The following DIPK1B variants were observed in gnomAD, a reference collection of about 807,000 sequenced individuals.
The protein encoded by DIPK1B is family with sequence similarity 69 member B.
DIPK1B carries 17 observed loss-of-function variants against 20.7 expected under a neutral mutation model. The ratio of observed to expected loss-of-function variants is 0.82; its 90% CI spans 0.56 to 1.23. The LOEUF (loss-of-function observed/expected upper bound fraction) is 1.23, where lower values mean the gene tolerates loss of function less well. DIPK1B is among the 50% of genes most tolerant of loss of function. DIPK1B has a pLI of 0.00. For synonymous variants in DIPK1B, 343 were observed against 276.5 expected (o/e 1.24, Z -2.39); for missense variants, 648 against 601.8 (o/e 1.08, Z -0.80).
chr9:136,716,867 G>A (rs574564498), intron 1 of DIPK1B, among the ~76,000 whole-genome samples: 2 of 151,886 alleles, frequency 1.3e-5, no homozygotes, highest in South Asian at 2.1e-4. Flanking sequence ...CGGTGGGCGC[G>A]CTCACCTGGC....
chr9:136,720,099 G>A (rs1846572843), intron 2 of DIPK1B, among the ~76,000 whole-genome samples: 1 of 151,876 alleles, frequency 6.6e-6, no homozygotes, highest in Non-Finnish European at 1.5e-5. Flanking sequence ...GGGCTGTGTG[G>A]TCTGGGGCTC....
Position 136,714,743 on chromosome 9 carries a change from C to T in DIPK1B, c.63+2015C>T, listed in dbSNP as rs113663465. ...CCTGGGCCTGGAGGGCTCCCCACAC[C>T]GGAGCCACGCCCTCTGCTCCAGGAC... On this transcript the variant is annotated intron_variant, in intron 1 of 4. Transcript: ENST00000371692. Among the ~76,000 whole-genome samples, 776 of 152,328 alleles carry T rather than the reference C, an allele frequency of 5.1e-3. 3 individuals carry two copies. The highest frequency in any genetic ancestry group is 8.6e-3 in the Non-Finnish European group (586 of 68,018).
chr9:136,717,026 C>T (rs1352621018), intron 1 of DIPK1B, among the ~76,000 whole-genome samples: 1 of 152,006 alleles, frequency 6.6e-6, no homozygotes, highest in Non-Finnish European at 1.5e-5. Context: ...GTCCGGAGTT[C>T]AAGACCAGCC....
rs1846448151 is a variant in DIPK1B at position 136,712,987 on chromosome 9, T to A, written c.63+259T>A. Reference sequence around the variant, plus strand: ...CTCGCCCCGACCTGCAGGCGGTCCCTGCCCCCCAGGCCCAGAAACCACACC... The same window carrying A: ...CTCGCCCCGACCTGCAGGCGGTCCCAGCCCCCCAGGCCCAGAAACCACACC... On this transcript the variant is annotated intron_variant, in intron 1 of 4. Coordinates refer to ENST00000371692, the MANE Select transcript of DIPK1B (RefSeq NM_152421.4). The surrounding 1 kb of genome is among the most constrained non-coding windows in gnomAD (Gnocchi z 5.6). Among the ~76,000 whole-genome samples, 2 of 152,178 alleles carry A rather than the reference T, an allele frequency of 1.3e-5. No individual in the cohort carries two copies. The highest frequency in any genetic ancestry group is 4.1e-4 in the South Asian group (2 of 4,830).
chr9:136,712,989 C>T lies in DIPK1B; in HGVS notation c.63+261C>T, dbSNP rs533387017. Among the ~76,000 whole-genome samples the T allele has an allele frequency of 4.6e-5, 7 of 152,280 alleles. No individual in the cohort carries two copies. Among genetic ancestry groups the T allele is most frequent in the South Asian group, 4.1e-4 (2 of 4,828 alleles). ...CGCCCCGACCTGCAGGCGGTCCCTGCCCCCCAGGCCCAGAAACCACACCGA... is the reference window on the plus strand; with the variant it reads ...CGCCCCGACCTGCAGGCGGTCCCTGTCCCCCAGGCCCAGAAACCACACCGA... On this transcript the variant is annotated intron_variant, in intron 1 of 4. Coordinates refer to ENST00000371692, the MANE Select transcript of DIPK1B (RefSeq NM_152421.4). This position sits in a 1 kb window ranked among gnomAD's most constrained non-coding sequence, Gnocchi z 5.6.
In DIPK1B at chr9:136,723,069, G is replaced by A. The variant is rs1408948847; in HGVS notation, c.591G>A (p.Val197=). The A allele has an allele frequency of 6.2e-7, 1 of 1,613,610 alleles. No homozygotes were observed. The highest frequency in any genetic ancestry group is 2.2e-5 in the East Asian group (1 of 44,880). ...NRVSLAEAKS[V]WALLQRNEFL... ...TGTCCCTGGCGGAAGCCAAGTCCGTGTGGGCCCTGCTGCAGCGTAACGAGT... is the reference window on the plus strand; with the variant it reads ...TGTCCCTGGCGGAAGCCAAGTCCGTATGGGCCCTGCTGCAGCGTAACGAGT... Residue 197 remains valine, a synonymous_variant, in exon 5 of 5, where the codon GTG becomes GTA. Transcript: ENST00000371692.
Position 136,723,526 on chromosome 9 carries a change from T to C in DIPK1B, c.1048T>C (p.Cys350Arg). The C allele has an allele frequency of 6.2e-7, 1 of 1,600,542 alleles. No individual in the cohort carries two copies. Among genetic ancestry groups the C allele is most frequent in the South Asian group, 1.1e-5 (1 of 89,570 alleles). ...CTYGRDCRAP[C>R]DRLMRQCKGD... ...CTACGGGCGCGACTGCAGGGCCCCGTGTGACAGGCTCATGAGGCAGTGCAA... is the reference window on the plus strand; with the variant it reads ...CTACGGGCGCGACTGCAGGGCCCCGCGTGACAGGCTCATGAGGCAGTGCAA... Residue 350 changes from cysteine (C) to arginine (R), a missense_variant, in exon 5 of 5, where the codon TGT (cysteine) becomes CGT (arginine). Cys to Arg is a radical substitution (Grantham distance 180). Transcript: ENST00000371692.
rs554957821 is a variant in DIPK1B, at chr9:136,723,628, G to A, written c.1150G>A (p.Asp384Asn). The change falls in exon 5 of 5, where the codon GAC becomes AAC. Residue 384 changes from aspartate (D) to asparagine (N), a missense_variant. Transcript: ENST00000371692. ...CTACCTGCTGCCTGGCGCGCCCGCC[G>A]ACCTCCGCGAGGAGCTGGGCACACA... The part of the protein sequence containing the change: ...RGYLLPGAPA[D>N]LREELGTQLR... The A allele has an allele frequency of 1.1e-5, 17 of 1,576,828 alleles. No homozygotes were observed. Among genetic ancestry groups the A allele is most frequent in the East Asian group, 7.0e-5 (3 of 42,964 alleles).
rs201932514 is a variant in DIPK1B, at chr9:136,722,204, C to T, written c.386C>T (p.Ser129Leu). Reference sequence around the variant, plus strand: ...GAGACCCTCGACTCCAAGGCCCGGTCGGATGCGGCCCCCCGGCGGGAGCTG... The same window carrying T: ...GAGACCCTCGACTCCAAGGCCCGGTTGGATGCGGCCCCCCGGCGGGAGCTG... ...IEETLDSKAR[S>L]DAAPRRELVL... is the part of the protein sequence containing the mutation. The change falls in exon 4 of 5, where the codon TCG becomes TTG. Residue 129 changes from serine to leucine, a missense_variant. Transcript: ENST00000371692. 81 of 1,614,012 alleles carry T rather than the reference C, an allele frequency of 5.0e-5. 1 individual carries two copies. The highest frequency in any genetic ancestry group is 4.5e-4 in the South Asian group (41 of 91,068).
chr9:136,712,622 C>T lies in DIPK1B; in HGVS notation c.-44C>T. Reference sequence around the variant, plus strand: ...GGGCCGGGCCGGGCCGGGGCTGAGGCCGAGCGAGCCGCGGGGCCCGCGCAG... The same window carrying T: ...GGGCCGGGCCGGGCCGGGGCTGAGGTCGAGCGAGCCGCGGGGCCCGCGCAG... On this transcript the variant is annotated 5_prime_UTR_variant, in exon 1 of 5. Transcript: ENST00000371692. The surrounding 1 kb of genome is among the most constrained non-coding windows in gnomAD (Gnocchi z 5.6). 2.0e-6 allele frequency: 2 copies of T among 1,005,268 alleles called. No individual in the cohort carries two copies. The highest frequency in any genetic ancestry group is 1.2e-6 in the Non-Finnish European group (1 of 833,340). 62.3% of individuals were successfully genotyped at this position (1,005,268 alleles called of 1,614,324 possible). A position where few individuals can be genotyped will look rare whatever the true frequency, so the allele number is the denominator to read the frequency against.
rs1588279761 is a variant in DIPK1B, at chr9:136,714,404, G to A, written c.63+1676G>A. Among the ~76,000 whole-genome samples the A allele has an allele frequency of 2.6e-5, 4 of 152,364 alleles. No homozygotes were observed. In the South Asian group the frequency reaches 8.3e-4, roughly 32 times the overall value. On this transcript the variant is annotated intron_variant, in intron 1 of 4. Transcript: ENST00000371692. ...GGAAATAGGCCCTGGCCCAAGCCCA[G>A]TCGGGGCTCTGGGGAGCAGAACTGG...
At chr9:136,714,752 G>A (rs1018469796) in intron 1 of DIPK1B, among the ~76,000 whole-genome samples, 2 of 152,328 alleles carry the variant, frequency 1.3e-5, no homozygotes, top group African/African-American at 2.4e-5. Context: ...CCGGAGCCAC[G>A]CCCTCTGCTC....
chr9:136,716,792 G>T (rs934751222), intron 1 of DIPK1B, among the ~76,000 whole-genome samples: 1 of 152,074 alleles, frequency 6.6e-6, no homozygotes, highest in East Asian at 1.9e-4. Flanking sequence ...GGTCTGGTCC[G>T]GCCGGAACTT....
At chr9:136,721,631 T>G in intron 2 of DIPK1B, 1 of 403,780 alleles carries the variant, frequency 2.5e-6, no homozygotes, top group Non-Finnish European at 4.6e-6. Flanking sequence ...GGGTGTGGTG[T>G]GTGTCTCATG....
At position 136,712,784 on chromosome 9, in the gene DIPK1B, TC is replaced by T; in HGVS notation, c.63+58del. 8.1e-7 allele frequency: 1 copy of T among 1,236,658 alleles called. No individual in the cohort carries two copies. Among genetic ancestry groups the T allele is most frequent in the Non-Finnish European group, 1.0e-6 (1 of 975,760 alleles). The allele number at this position is 1,236,658 out of a possible 1,614,324, so 76.6% of individuals were successfully genotyped here. The stretch of plus-strand genomic sequence containing the variant: ...CCGCCTCTGCCTGGGGAGGCCGAGC[TC>T]CAGCCCCGGAGTGGGCCGAGTACGG... On this transcript the variant is annotated intron_variant, in intron 1 of 4. Transcript: ENST00000371692. This position sits in a 1 kb window ranked among gnomAD's most constrained non-coding sequence, Gnocchi z 5.6.
chr9:136,721,894 C>A (rs1163973500), intron 2 of DIPK1B, 27 bp from the exon 3 acceptor site: 1 of 1,606,286 alleles, frequency 6.2e-7, no homozygotes, highest in Admixed American at 1.7e-5. Flanking sequence ...GCTGCCCCGC[C>A]CGGCACGCCT....
rs374532412 is a variant in DIPK1B at position 136,724,568 on chromosome 9, C to T, written c.*794C>T. 4.6e-5 allele frequency: 7 copies of T among 152,334 alleles called. No homozygotes were observed. In the East Asian group the frequency reaches 7.7e-4, roughly 17 times the overall value. 9.4% of individuals were successfully genotyped at this position (152,334 alleles called of 1,614,324 possible). On this transcript the variant is annotated 3_prime_UTR_variant, in exon 5 of 5. Transcript: ENST00000371692. ...CCTTTCTTCAGGGCGGGCTCTGCTC[C>T]GCAATGTGTGAGTCAAGACAATCCA...
In DIPK1B at chr9:136,721,829, G is replaced by T; in HGVS notation, c.199-92G>T. 3 of 1,124,424 alleles carry T rather than the reference G, an allele frequency of 2.7e-6. No homozygotes were observed. The South Asian group carries it at 4.1e-5, about 15-fold the overall frequency. 69.7% of individuals were successfully genotyped at this position (1,124,424 alleles called of 1,614,324 possible). On this transcript the variant is annotated intron_variant, in intron 2 of 4. Transcript: ENST00000371692. ...GGCAGCTTTCCAACTGCAGCAAGTG[G>T]AGGCCCCTGCCAGCTTCGGGCCTGT...
intron 1 of DIPK1B, among the ~76,000 whole-genome samples, 163 bp from the exon 2 acceptor site, chr9:136,717,414 G>C (rs1405456431): frequency 2.0e-5 from 3 of 152,186 alleles, no homozygotes; most frequent in African/African-American, 7.2e-5. Flanking sequence ...GGGTGTCGCT[G>C]AGCTGGGGGT....
Sources: gnomAD v4.1 joint callset for allele counts (sites outside exome capture counted in the v4.1 genomes callset) on GRCh38, gnomAD v4.1.1 for gene constraint, Gnocchi (gnomAD v3.1) non-coding constraint, MANE v1.5 for transcripts, NCBI Gene and HGNC (gene_info 2026-07-23, HGNC 2026-07-21) for gene names.